The following GNAO1 variants were observed in gnomAD, a reference collection of about 807,000 sequenced individuals.
The protein encoded by GNAO1 is guanine nucleotide-binding protein G(o) subunit alpha.
For missense variants in GNAO1, 166 were observed against 478.7 expected, an observed-to-expected ratio of 0.35 and a Z score of 6.10; for synonymous variants, 164 against 180.7, an observed-to-expected ratio of 0.91 and a Z score of 0.74.
intron 2 of GNAO1, among the ~76,000 whole-genome samples, chr16:56,204,390 G>A (rs1184777764): frequency 2.0e-5 from 3 of 152,168 alleles, no homozygotes; most frequent in African/African-American, 4.8e-5. Context: ...GGCCATGAGA[G>A]TGGATGTGGT....
intron 2 of GNAO1, among the ~76,000 whole-genome samples, chr16:56,274,348 GGCCT>G (rs1300992800): frequency 6.6e-6 from 1 of 152,172 alleles, no homozygotes; most frequent in Admixed American, 6.5e-5. Context: ...GTGCACCAGT[GGCCT>G]GTACTGGTTA....
chr16:56,309,425 T>C (rs1440017038), intron 3 of GNAO1, among the ~76,000 whole-genome samples: 1 of 152,082 alleles, frequency 6.6e-6, no homozygotes, highest in Non-Finnish European at 1.5e-5. Context: ...GGGTGCCCCT[T>C]CCCTTCCCAT....
intron 2 of GNAO1, among the ~76,000 whole-genome samples, chr16:56,215,351 A>G (rs557205884): frequency 1.3e-5 from 2 of 152,320 alleles, no homozygotes; most frequent in East Asian, 3.9e-4. Context: ...CACATGCACT[A>G]CTACCAGAAC....
At chr16:56,219,137 C>T (rs2036461766) in intron 2 of GNAO1, among the ~76,000 whole-genome samples, 1 of 152,194 alleles carries the variant, frequency 6.6e-6, no homozygotes, top group Admixed American at 6.5e-5. Flanking sequence ...ATGTCAAGGA[C>T]ACGTGCCAAC....
At chr16:56,348,268 C>T (rs773711078) in intron 6 of GNAO1, 27 of 816,412 alleles carry the variant, frequency 3.3e-5, no homozygotes, top group Non-Finnish European at 3.7e-5. Flanking sequence ...TGTGTGTCCT[C>T]GGGCCCTGCC....
At chr16:56,208,197 A>G (rs1379608717) in intron 2 of GNAO1, among the ~76,000 whole-genome samples, 2 of 152,180 alleles carry the variant, frequency 1.3e-5, no homozygotes, top group African/African-American at 4.8e-5. Context: ...ATAGTATTCT[A>G]TGGTATTCAT....
At chr16:56,333,068 G>A (rs113820337) in intron 4 of GNAO1, among the ~76,000 whole-genome samples, 2 of 152,252 alleles carry the variant, frequency 1.3e-5, no homozygotes, top group Admixed American at 1.3e-4. Context: ...AGGGCAGTCA[G>A]GCTCAGGAGA....
chr16:56,288,759 A>G (rs2037199063), intron 3 of GNAO1, among the ~76,000 whole-genome samples: 1 of 152,046 alleles, frequency 6.6e-6, no homozygotes, highest in Admixed American at 6.5e-5. Flanking sequence ...GGTCTTTGTC[A>G]TGAACCGGAA....
intron 2 of GNAO1, among the ~76,000 whole-genome samples, chr16:56,265,871 GCTCCT>G (rs1567461021): frequency 6.6e-6 from 1 of 152,082 alleles, no homozygotes. Flanking sequence ...GGTCCCTGCT[GCTCCT>G]CTGGCCTCAT....
chr16:56,297,980 G>A (rs1361502866), intron 3 of GNAO1, among the ~76,000 whole-genome samples: 3 of 152,130 alleles, frequency 2.0e-5, no homozygotes, highest in Non-Finnish European at 4.4e-5. Context: ...ACCAGCCTGG[G>A]AAACACAGCA....
intron 2 of GNAO1, among the ~76,000 whole-genome samples, chr16:56,207,747 G>C (rs1028238807): frequency 4.6e-5 from 7 of 152,186 alleles, no homozygotes; most frequent in Non-Finnish European, 8.8e-5. Flanking sequence ...CACCTACCTC[G>C]GTGTGGGGTC....
intron 7 of GNAO1, chr16:56,352,635 C>T (rs2037935043): frequency 6.6e-6 from 1 of 152,366 alleles, no homozygotes; most frequent in Admixed American, 6.5e-5. Flanking sequence ...AGGGTGCCTA[C>T]ATCCAGCATA....
At chr16:56,276,284 G>C (rs1175382596) in intron 3 of GNAO1, 1 of 440,782 alleles carries the variant, frequency 2.3e-6, no homozygotes, top group South Asian at 4.6e-5. Flanking sequence ...AGTTGCAGGG[G>C]CTACAAAACT....
rs940951126 is a variant in GNAO1, at chr16:56,354,228, G to A, written c.878-638G>A. Among the ~76,000 whole-genome samples, 11 of 152,358 alleles carry A rather than the reference G, an allele frequency of 7.2e-5. No individual in the cohort carries two copies. Among genetic ancestry groups the A allele is most frequent in the Admixed American group, 2.0e-4 (3 of 15,308 alleles). ...ATTTGCTCATCTAGGAAGCAAAAGC[G>A]TTCATCTGTGGCCACTGCTGTCCCA... is the stretch of plus-strand genomic sequence containing the variant. On this transcript the variant is annotated intron_variant, in intron 7 of 8. Coordinates refer to ENST00000262493, the MANE Select transcript of GNAO1 (RefSeq NM_020988.3). This position sits in a 1 kb window ranked among gnomAD's most constrained non-coding sequence, Gnocchi z 4.3.
chr16:56,316,805 A>C (rs1348378397), intron 3 of GNAO1, among the ~76,000 whole-genome samples: 1 of 152,152 alleles, frequency 6.6e-6, no homozygotes, highest in Non-Finnish European at 1.5e-5. Context: ...TGGGCTTCAC[A>C]CAGAGACGTC....
At chr16:56,318,510 G>T (rs2037537438) in intron 3 of GNAO1, among the ~76,000 whole-genome samples, 1 of 152,218 alleles carries the variant, frequency 6.6e-6, no homozygotes, top group South Asian at 2.1e-4. Flanking sequence ...TGGGTACAGG[G>T]ACAACTACAG....
intron 3 of GNAO1, among the ~76,000 whole-genome samples, chr16:56,312,985 G>A (rs1009485336): frequency 1.3e-5 from 2 of 152,234 alleles, no homozygotes; most frequent in Non-Finnish European, 2.9e-5. Context: ...AAGGCCTCAA[G>A]CCCAGAGCCT....
intron 5 of GNAO1, among the ~76,000 whole-genome samples, chr16:56,335,612 G>T (rs2037732934): frequency 1.3e-5 from 2 of 152,190 alleles, no homozygotes. Context: ...AGGGGCCGAG[G>T]CTCTGGGCCC....
chr16:56,217,180 G>A (rs1178606151), intron 2 of GNAO1, among the ~76,000 whole-genome samples: 3 of 152,122 alleles, frequency 2.0e-5, no homozygotes, highest in Non-Finnish European at 2.9e-5. Context: ...TTCATCTTTC[G>A]AGTTTTCCTA....
Sources: gnomAD v4.1 joint callset for allele counts (sites outside exome capture counted in the v4.1 genomes callset) on GRCh38, gnomAD v4.1.1 for gene constraint, Gnocchi (gnomAD v3.1) non-coding constraint, MANE v1.5 for transcripts, NCBI Gene and HGNC (gene_info 2026-07-23, HGNC 2026-07-21) for gene names.